The following MAGI2 variants were observed in gnomAD, a reference collection of about 807,000 sequenced individuals.
MAGI2 encodes membrane-associated guanylate kinase, WW and PDZ domain-containing protein 2.
In MAGI2, 35 loss-of-function variants were observed where a neutral mutation model predicts 133.3. The ratio of observed to expected loss-of-function variants is 0.26; its 90% CI spans 0.20 to 0.35. MAGI2 has a LOEUF of 0.35. Among genes scored for constraint, MAGI2 ranks in the 10% least tolerant of loss-of-function variants. MAGI2 has a pLI of 1.00. For synonymous variants in MAGI2, 729 were observed against 710.6 expected, an observed-to-expected ratio of 1.03 and a Z score of -0.41; for missense variants, 1,636 against 1,863.4, an observed-to-expected ratio of 0.88 and a Z score of 2.25.
At chr7:78,903,596 A>G (rs552344427) in intron 2 of MAGI2, among the ~76,000 whole-genome samples, 150 of 152,284 alleles carry the variant, frequency 9.9e-4, no homozygotes, top group Non-Finnish European at 1.9e-3. Context: ...ATGGAGTGAG[A>G]AAGTGAAGTT....
intron 7 of MAGI2, among the ~76,000 whole-genome samples, chr7:78,348,985 A>C (rs1791208469): frequency 1.3e-5 from 2 of 152,232 alleles, no homozygotes; most frequent in Non-Finnish European, 2.9e-5. Context: ...GTTGTTTAGA[A>C]GGACATAGTA....
rs180805277 is a variant in MAGI2 at position 78,688,399 on chromosome 7, A to G, written c.419-61160T>C. ...CAGATTCAAGTTCTTATTAAATACT[A>G]TGTTTCAATATGTTTAGTTCTGGCA... On this transcript the variant is annotated intron_variant, in intron 2 of 21. Transcript: ENST00000354212. Among the ~76,000 whole-genome samples the G allele has an allele frequency of 2.5e-4, 38 of 152,316 alleles. No homozygotes were observed. In the East Asian group the frequency reaches 6.9e-3, roughly 28 times the overall value.
chr7:78,724,895 T>G (rs1287690693), intron 2 of MAGI2, among the ~76,000 whole-genome samples: 3 of 152,216 alleles, frequency 2.0e-5, no homozygotes, highest in Non-Finnish European at 4.4e-5. Flanking sequence ...TAGAAGACCT[T>G]GAGCCAATTG....
At chr7:78,535,296 TA>T (rs1305781171) in intron 3 of MAGI2, among the ~76,000 whole-genome samples, 2 of 152,110 alleles carry the variant, frequency 1.3e-5, no homozygotes, top group Non-Finnish European at 2.9e-5. Context: ...AGGCTAGAGA[TA>T]ATATGGAACC....
intron 1 of MAGI2, among the ~76,000 whole-genome samples, chr7:79,013,573 T>C (rs1252723850): frequency 6.6e-6 from 1 of 152,136 alleles, no homozygotes; most frequent in Non-Finnish European, 1.5e-5. Flanking sequence ...AAATGAGAAA[T>C]AAATCACAAG....
At chr7:79,250,740 A>G (rs1374720516) in intron 1 of MAGI2, among the ~76,000 whole-genome samples, 2 of 152,190 alleles carry the variant, frequency 1.3e-5, no homozygotes, top group Non-Finnish European at 2.9e-5. Flanking sequence ...AATAGGAAAA[A>G]AAAATACTAA....
In MAGI2 at chr7:78,822,556, T is replaced by C. The variant is rs192959485; in HGVS notation, c.418+184534A>G. Among the ~76,000 whole-genome samples, 458 of 152,280 alleles carry C rather than the reference T, an allele frequency of 3.0e-3. 1 individual carries two copies. Among genetic ancestry groups the C allele is most frequent in the African/African-American group, 0.01 (433 of 41,576 alleles). ...TCCTTCTTTTCTTCTCTATCTTCAA[T>C]AGTTTTGTTTAACAGTTTTAAAAGA... On this transcript the variant is annotated intron_variant, in intron 2 of 21. Coordinates refer to ENST00000354212, the MANE Select transcript of MAGI2 (RefSeq NM_012301.4).
At chr7:79,104,219 T>G (rs1385376886) in intron 1 of MAGI2, among the ~76,000 whole-genome samples, 1 of 152,164 alleles carries the variant, frequency 6.6e-6, no homozygotes. Context: ...AAATACTTCT[T>G]CCTTCAGAGC....
Position 78,133,353 on chromosome 7 carries a change from G to T in MAGI2, c.3032-293C>A, listed in dbSNP as rs545844471. ...AAAACTATGAAAAAAATTATTCAAA[G>T]GACTAAGCTCTAAAACATACTCTAT... is the stretch of plus-strand genomic sequence containing the variant. On this transcript the variant is annotated intron_variant, in intron 17 of 21. Coordinates refer to ENST00000354212, the MANE Select transcript of MAGI2 (RefSeq NM_012301.4). Among the ~76,000 whole-genome samples, 7 of 152,244 alleles carry T rather than the reference G, an allele frequency of 4.6e-5. No homozygotes were observed. The East Asian group carries it at 1.3e-3, about 29-fold the overall frequency.
intron 2 of MAGI2, among the ~76,000 whole-genome samples, chr7:78,687,740 G>T (rs188969161): frequency 6.6e-6 from 1 of 151,922 alleles, no homozygotes; most frequent in Admixed American, 6.6e-5. Context: ...AGGCTGAGGC[G>T]GGTGGATCAT....
At chr7:78,067,266 C>T (rs1167756545) in intron 21 of MAGI2, among the ~76,000 whole-genome samples, 1 of 152,156 alleles carries the variant, frequency 6.6e-6, no homozygotes, top group African/African-American at 2.4e-5. Context: ...TAAACATGGC[C>T]TTTACTGGGC....
At chr7:78,514,894 C>T (rs1795910525) in intron 4 of MAGI2, among the ~76,000 whole-genome samples, 1 of 152,104 alleles carries the variant, frequency 6.6e-6, no homozygotes, top group Admixed American at 6.5e-5. Flanking sequence ...AGTTCATTTG[C>T]ACTAATTGCA....
chr7:78,807,684 G>A (rs892636960), intron 2 of MAGI2, among the ~76,000 whole-genome samples: 3 of 152,114 alleles, frequency 2.0e-5, no homozygotes, highest in African/African-American at 7.2e-5. Flanking sequence ...TACTCCTGGA[G>A]CCTGAAAATT....
At chr7:79,156,878 C>T (rs1050687542) in intron 1 of MAGI2, among the ~76,000 whole-genome samples, 1 of 152,078 alleles carries the variant, frequency 6.6e-6, no homozygotes, top group African/African-American at 2.4e-5. Context: ...CTCAGAACCC[C>T]AAAGAAGTTG....
At chr7:78,647,542 T>C (rs1811030177) in intron 2 of MAGI2, among the ~76,000 whole-genome samples, 2 of 152,174 alleles carry the variant, frequency 1.3e-5, no homozygotes, top group South Asian at 2.1e-4. Context: ...TTTACACTGT[T>C]GGTGGGAGTG....
At chr7:79,182,400 T>C (rs1366783190) in intron 1 of MAGI2, among the ~76,000 whole-genome samples, 1 of 151,884 alleles carries the variant, frequency 6.6e-6, no homozygotes, top group African/African-American at 2.4e-5. Flanking sequence ...TTTAAAACCA[T>C]CAGATCTTGC....
chr7:78,069,616 T>C (rs1033381701), intron 21 of MAGI2, among the ~76,000 whole-genome samples: 1 of 151,736 alleles, frequency 6.6e-6, no homozygotes, highest in African/African-American at 2.4e-5. Flanking sequence ...TCTCCTCTTC[T>C]GCATTTTAGG....
intron 1 of MAGI2, among the ~76,000 whole-genome samples, chr7:79,164,210 G>A (rs1293402958): frequency 6.6e-6 from 1 of 151,938 alleles, no homozygotes; most frequent in African/African-American, 2.4e-5. Context: ...CTATGTAAGG[G>A]GTCTGGGGAG....
At chr7:79,430,376 TG>T (rs1399813294) in intron 1 of MAGI2, among the ~76,000 whole-genome samples, 1 of 152,198 alleles carries the variant, frequency 6.6e-6, no homozygotes, top group African/African-American at 2.4e-5. Context: ...CCACTCCTTC[TG>T]AATCCTCAAA....
Sources: gnomAD v4.1 joint callset for allele counts (sites outside exome capture counted in the v4.1 genomes callset) on GRCh38, gnomAD v4.1.1 for gene constraint, MANE v1.5 for transcripts, NCBI Gene and HGNC (gene_info 2026-07-23, HGNC 2026-07-21) for gene names.